Variants in PARP8 observed in about 807,000 individuals in gnomAD.
The protein encoded by PARP8 is poly(ADP-ribose) polymerase family member 8, also known as protein mono-ADP-ribosyltransferase PARP8.
A neutral mutation model predicts 124.1 loss-of-function variants in PARP8; 51 were observed. The observed-to-expected ratio is 0.41, with a 90% CI of 0.33 to 0.52. The LOEUF is 0.52. Among genes scored for constraint, PARP8 ranks in the 20% least tolerant of loss-of-function variants. The pLI is 0.21. For synonymous variants in PARP8, 391 were observed against 361.5 expected, an observed-to-expected ratio of 1.08 and a Z score of -0.93; for missense variants, 860 against 1,018.9, an observed-to-expected ratio of 0.84 and a Z score of 2.12.
At chr5:50,685,484 A>T (rs906014900) in intron 2 of PARP8, among the ~76,000 whole-genome samples, 1 of 152,190 alleles carries the variant, frequency 6.6e-6, no homozygotes, top group African/African-American at 2.4e-5. Flanking sequence ...TCAGAAGCTG[A>T]TATTTTAGGT....
intron 2 of PARP8, among the ~76,000 whole-genome samples, chr5:50,714,479 A>C (rs566710989): frequency 6.6e-6 from 1 of 152,188 alleles, no homozygotes; most frequent in Admixed American, 6.6e-5. Context: ...ATAGGTATAC[A>C]TGTGCCATGG....
chr5:50,728,603 A>G (rs1196077115), intron 2 of PARP8, among the ~76,000 whole-genome samples: 2 of 151,868 alleles, frequency 1.3e-5, no homozygotes, highest in African/African-American at 4.8e-5. Context: ...TTTGGCACCC[A>G]AATAAGTCAG....
chr5:50,794,096 T>G, intron 10 of PARP8, 111 bp from the exon 11 acceptor site: 1 of 1,196,246 alleles, frequency 8.4e-7, no homozygotes. Flanking sequence ...TCTCACTGAT[T>G]TCTATGTGTT....
intron 2 of PARP8, among the ~76,000 whole-genome samples, chr5:50,670,008 G>T (rs1480469596): frequency 6.6e-6 from 1 of 152,154 alleles, no homozygotes; most frequent in East Asian, 1.9e-4. Context: ...TATGTAAAAA[G>T]TTGTTACAGT....
intron 1 of PARP8, 131 bp from the exon 2 acceptor site, chr5:50,667,940 G>GC: frequency 6.4e-7 from 1 of 1,560,062 alleles, no homozygotes; most frequent in Non-Finnish European, 8.6e-7. Flanking sequence ...GAGGGACCTC[G>GC]CCGCCCTCTA....
rs941308271 is a variant in PARP8, at chr5:50,732,400, A to G, written c.147-17751A>G. On this transcript the variant is annotated intron_variant, in intron 2 of 25. Coordinates refer to ENST00000281631, the MANE Select transcript of PARP8 (RefSeq NM_024615.4). ...CAGTTTTAAGTTATAAATGCAAACAATATTTTGTAATATTTGCTAAAAACG... is the reference window on the plus strand; with the variant it reads ...CAGTTTTAAGTTATAAATGCAAACAGTATTTTGTAATATTTGCTAAAAACG... Among the ~76,000 whole-genome samples, 14 of 152,204 alleles carry G rather than the reference A, an allele frequency of 9.2e-5. 1 individual carries two copies. The highest frequency in any genetic ancestry group is 3.4e-4 in the African/African-American group (14 of 41,442).
chr5:50,799,228 G>C (rs1299856911), intron 14 of PARP8, among the ~76,000 whole-genome samples: 1 of 152,134 alleles, frequency 6.6e-6, no homozygotes, highest in African/African-American at 2.4e-5. Flanking sequence ...AATACTTTTT[G>C]AGTTAATTTT....
At chr5:50,684,655 A>G (rs1011765023) in intron 2 of PARP8, among the ~76,000 whole-genome samples, 1 of 152,178 alleles carries the variant, frequency 6.6e-6, no homozygotes, top group Non-Finnish European at 1.5e-5. Context: ...GGCTAAACTG[A>G]TGTTACTGGT....
At chr5:50,788,445 G>A (rs1341498916) in intron 9 of PARP8, 78 bp from the exon 10 acceptor site, 4 of 1,322,762 alleles carry the variant, frequency 3.0e-6, no homozygotes, top group Non-Finnish European at 4.3e-6. Context: ...TATATAATGC[G>A]ATTTCAACCT....
At chr5:50,795,501 A>G in intron 12 of PARP8, 84 bp downstream of exon 12, 2 of 1,106,388 alleles carry the variant, frequency 1.8e-6, no homozygotes, top group Non-Finnish European at 2.5e-6. Flanking sequence ...TCTGGTGGAG[A>G]AAAGAAGCAA....
chr5:50,700,347 G>A (rs1753465530), intron 2 of PARP8, among the ~76,000 whole-genome samples: 1 of 152,160 alleles, frequency 6.6e-6, no homozygotes, highest in Non-Finnish European at 1.5e-5. Context: ...TCTAACTATT[G>A]ATTATTCTGT....
intron 2 of PARP8, among the ~76,000 whole-genome samples, chr5:50,725,454 C>T (rs1473051550): frequency 2.0e-5 from 3 of 152,020 alleles, no homozygotes; most frequent in Non-Finnish European, 2.9e-5. Context: ...CTTAGTTATA[C>T]ACAGGTTCAA....
chr5:50,779,692 A>AC lies in PARP8; in HGVS notation c.670+1043dup, dbSNP rs1740450555. ...CCAGAATCAAGGGACAGGAACATAG[A>AC]CAGCACCTTGTGAAATCATGGGCAT... On this transcript the variant is annotated intron_variant, in intron 9 of 25. Coordinates refer to ENST00000281631, the MANE Select transcript of PARP8 (RefSeq NM_024615.4). 3.3e-5 allele frequency among the ~76,000 whole-genome samples: 5 copies of AC among 152,320 alleles called. No homozygotes were observed. In the South Asian group the frequency reaches 1.0e-3, roughly 32 times the overall value.
chr5:50,675,832 A>G (rs1042979295), intron 2 of PARP8, among the ~76,000 whole-genome samples: 5 of 152,160 alleles, frequency 3.3e-5, no homozygotes, highest in Non-Finnish European at 7.3e-5. Flanking sequence ...TAAAAGAGTG[A>G]TGTCACATTA....
At chr5:50,838,399 C>G (rs1289681305) in intron 25 of PARP8, among the ~76,000 whole-genome samples, 3 of 152,052 alleles carry the variant, frequency 2.0e-5, no homozygotes, top group Non-Finnish European at 4.4e-5. Flanking sequence ...CTTTCTTCAT[C>G]ACTCTTAGCC....
chr5:50,708,589 TC>T (rs2149485591), intron 2 of PARP8, among the ~76,000 whole-genome samples: 1 of 152,250 alleles, frequency 6.6e-6, no homozygotes, highest in African/African-American at 2.4e-5. Flanking sequence ...CTAGTGCTTT[TC>T]TAATTTCTTT....
chr5:50,807,179 C>G (rs1039859128), intron 14 of PARP8, among the ~76,000 whole-genome samples: 5 of 151,774 alleles, frequency 3.3e-5, no homozygotes, highest in Non-Finnish European at 7.4e-5. Flanking sequence ...TGCTTTTATA[C>G]TATCTGTCAC....
At chr5:50,667,634 G>A (rs1011448842) in intron 1 of PARP8, 6 of 699,176 alleles carry the variant, frequency 8.6e-6, no homozygotes, top group South Asian at 3.0e-5. Context: ...GACCCCCGGG[G>A]GGCAGCGCTC....
chr5:50,667,977 T>C, intron 1 of PARP8, 94 bp from the exon 2 acceptor site: 2 of 1,601,118 alleles, frequency 1.2e-6, no homozygotes, highest in South Asian at 1.1e-5. Flanking sequence ...CGGCCAGGCC[T>C]CCCCTGACAC....
Sources: allele counts gnomAD v4.1 joint callset (sites outside exome capture counted in the v4.1 genomes callset), GRCh38; gene constraint gnomAD v4.1.1; transcripts MANE v1.5; gene names NCBI Gene and HGNC (gene_info 2026-07-23, HGNC 2026-07-21).